SSH2: variants seen among roughly 807,000 people sequenced by gnomAD.
The protein encoded by SSH2 is protein phosphatase Slingshot homolog 2.
Under a neutral mutation model 135.2 loss-of-function variants are expected in SSH2, and 37 were observed. The ratio of observed to expected loss-of-function variants is 0.27; its 90% CI spans 0.21 to 0.36. SSH2 has a LOEUF of 0.36. Among genes scored for constraint, SSH2 ranks in the 10% least tolerant of loss-of-function variants. The pLI, the probability that SSH2 is intolerant of heterozygous loss-of-function variation, is 1.00. For synonymous variants in SSH2, 628 were observed against 646.2 expected, an observed-to-expected ratio of 0.97 and a Z score of 0.43; for missense variants, 1,408 against 1,765.3, an observed-to-expected ratio of 0.80 and a Z score of 3.63.
chr17:29,792,962 C>A (rs371748807), intron 3 of SSH2, among the ~76,000 whole-genome samples: 16 of 152,320 alleles, frequency 1.1e-4, no homozygotes, highest in South Asian at 6.2e-4. Context: ...GCGTGAGCCA[C>A]CGCGCCCGGC....
intron 14 of SSH2, among the ~76,000 whole-genome samples, chr17:29,643,555 G>A (rs865775701): frequency 2.6e-5 from 4 of 151,990 alleles, no homozygotes; most frequent in Non-Finnish European, 5.9e-5. Flanking sequence ...GTGAAGTGGC[G>A]TGATCTCAAC....
chr17:29,907,679 ACT>A (rs984905331), intron 1 of SSH2, among the ~76,000 whole-genome samples: 8 of 152,124 alleles, frequency 5.3e-5, no homozygotes, highest in Non-Finnish European at 8.8e-5. Flanking sequence ...GAAAGAAAAA[ACT>A]CAGTCCAGAG....
intron 1 of SSH2, chr17:29,929,711 G>A: frequency 1.7e-6 from 1 of 590,738 alleles, no homozygotes; most frequent in Non-Finnish European, 3.0e-6. Flanking sequence ...ATTTCAGGGC[G>A]AGGATTGTGA....
chr17:29,824,140 C>T (rs2042703527), intron 2 of SSH2, among the ~76,000 whole-genome samples: 1 of 152,150 alleles, frequency 6.6e-6, no homozygotes. Flanking sequence ...TCTCTACTTA[C>T]TAGTCATGAT....
chr17:29,921,659 C>T (rs1323627350), intron 1 of SSH2, among the ~76,000 whole-genome samples: 3 of 151,888 alleles, frequency 2.0e-5, no homozygotes, highest in Admixed American at 2.0e-4. Flanking sequence ...TCACTGCAAC[C>T]TCTGCCTCCC....
At chr17:29,648,119 G>A (rs1374060239) in intron 14 of SSH2, 25 bp downstream of exon 14, 1 of 1,607,376 alleles carries the variant, frequency 6.2e-7, no homozygotes, top group African/African-American at 1.3e-5. Flanking sequence ...AAAGGAGGGA[G>A]AATTGGAGAA....
At chr17:29,659,050 A>G (rs1170023663) in intron 11 of SSH2, among the ~76,000 whole-genome samples, 1 of 152,058 alleles carries the variant, frequency 6.6e-6, no homozygotes, top group Non-Finnish European at 1.5e-5. Flanking sequence ...TATGCTACAC[A>G]TAATTTTTTA....
At chr17:29,726,977 G>T (rs1160023408) in intron 3 of SSH2, among the ~76,000 whole-genome samples, 1 of 152,136 alleles carries the variant, frequency 6.6e-6, no homozygotes, top group Non-Finnish European at 1.5e-5. Context: ...AATCATCCTG[G>T]ACAAGCCAGG....
Position 29,632,812 on chromosome 17 carries a change from T to C in SSH2, c.2382A>G (p.Gln794=). 3 of 1,614,188 alleles carry C rather than the reference T, an allele frequency of 1.9e-6. No homozygotes were observed. The highest frequency in any genetic ancestry group is 1.1e-5 in the South Asian group (1 of 91,088). Reference sequence around the variant, plus strand: ...GGTTGGGTAAGATGTCTCCTTTCAGTTGAATCTGCCCAACTCCTTGACTGA... The same window carrying C: ...GGTTGGGTAAGATGTCTCCTTTCAGCTGAATCTGCCCAACTCCTTGACTGA... ...ESISQGVGQI[Q]LKGDILPNPC... The change falls in exon 16 of 16, where the codon CAA becomes CAG. Residue 794 remains glutamine, a synonymous_variant. Transcript: ENST00000540801.
intron 5 of SSH2, among the ~76,000 whole-genome samples, chr17:29,687,599 C>T (rs1276255440): frequency 6.6e-6 from 1 of 152,152 alleles, no homozygotes; most frequent in African/African-American, 2.4e-5. Flanking sequence ...AGTACTGACT[C>T]CTTCTCTGAT....
intron 2 of SSH2, among the ~76,000 whole-genome samples, chr17:29,800,846 CA>C (rs1364110893): frequency 6.6e-6 from 1 of 150,830 alleles, no homozygotes; most frequent in Admixed American, 6.6e-5. Context: ...GTTCAGGAAC[CA>C]TTAAGTCTTT....
intron 3 of SSH2, among the ~76,000 whole-genome samples, chr17:29,746,486 T>C (rs1489175983): frequency 1.5e-5 from 2 of 137,268 alleles, no homozygotes; most frequent in Non-Finnish European, 3.0e-5. Flanking sequence ...AGGCGGAGGT[T>C]GCAGTGAGCC....
At chr17:29,651,269 C>A (rs935628651) in intron 12 of SSH2, among the ~76,000 whole-genome samples, 1 of 152,170 alleles carries the variant, frequency 6.6e-6, no homozygotes, top group Non-Finnish European at 1.5e-5. Context: ...ATAACGATTT[C>A]TTCCTATTTT....
intron 1 of SSH2, among the ~76,000 whole-genome samples, chr17:29,910,987 C>T (rs892844484): frequency 5.3e-5 from 8 of 152,088 alleles, no homozygotes; most frequent in South Asian, 2.1e-4. Flanking sequence ...ATATTCATGT[C>T]TTAAAAATCT....
chr17:29,789,669 G>A (rs1413146703), intron 3 of SSH2, among the ~76,000 whole-genome samples: 1 of 152,178 alleles, frequency 6.6e-6, no homozygotes, highest in Non-Finnish European at 1.5e-5. Flanking sequence ...CTCTTGCAGA[G>A]AGCCCTGTGG....
chr17:29,746,096 A>T (rs1415022465), intron 3 of SSH2, among the ~76,000 whole-genome samples: 1 of 152,186 alleles, frequency 6.6e-6, no homozygotes, highest in African/African-American at 2.4e-5. Context: ...TAACACAATG[A>T]TAGATATCAA....
At chr17:29,687,252 T>C (rs540980794) in intron 5 of SSH2, among the ~76,000 whole-genome samples, 5 of 152,298 alleles carry the variant, frequency 3.3e-5, no homozygotes, top group South Asian at 4.1e-4. Context: ...GAGACTCCCA[T>C]GGCTATCTTT....
chr17:29,670,226 T>G (rs2037437876), intron 9 of SSH2, among the ~76,000 whole-genome samples: 1 of 152,096 alleles, frequency 6.6e-6, no homozygotes, highest in Non-Finnish European at 1.5e-5. Flanking sequence ...GAAGAAAAGT[T>G]ACCTCTCTCT....
Position 29,677,672 on chromosome 17 carries a change from CCCATCACCATCCAA to C in SSH2, c.535_548del (p.Leu179TrpfsTer8). The C allele has an allele frequency of 6.2e-7, 1 of 1,613,360 alleles. No homozygotes were observed. Among genetic ancestry groups the C allele is most frequent in the Non-Finnish European group, 8.5e-7 (1 of 1,179,302 alleles). ...ACAGAATAAAAAAGGAAATCTCTTA[CCCATCACCATCCAA>C]ATGAATTAGCGTGTCGCTCCAGAGA... On this transcript the variant is annotated frameshift_variant and splice_region_variant, in exon 7 of 16. Transcript: ENST00000540801. LOFTEE classifies it high-confidence loss of function.
Sources: allele counts gnomAD v4.1 joint callset (sites outside exome capture counted in the v4.1 genomes callset), GRCh38; gene constraint gnomAD v4.1.1; transcripts MANE v1.5; gene names NCBI Gene and HGNC (gene_info 2026-07-23, HGNC 2026-07-21).